IDO1: variants seen among roughly 807,000 people sequenced by gnomAD.
The protein encoded by IDO1 is indolamine 2,3 dioxygenase.
A neutral mutation model predicts 38.8 loss-of-function variants in IDO1; 35 were observed. The observed-to-expected ratio is 0.90, with a 90% CI of 0.69 to 1.20. IDO1 has a LOEUF of 1.20. Among genes scored for constraint, IDO1 ranks in the 50% most tolerant of loss-of-function variants. IDO1 has a pLI of 0.00. For synonymous variants in IDO1, 171 were observed against 170.0 expected (o/e 1.01, Z -0.05); for missense variants, 509 against 485.1 (o/e 1.05, Z -0.46).
chr8:39,920,849 A>G (rs913930738), intron 5 of IDO1: 1 of 152,238 alleles, frequency 6.6e-6, no homozygotes, highest in African/African-American at 2.4e-5. Flanking sequence ...AAAAGATGGA[A>G]AAACTAAGGT....
intron 5 of IDO1, among the ~76,000 whole-genome samples, chr8:39,922,190 G>A (rs536667989): frequency 2.0e-5 from 3 of 152,162 alleles, no homozygotes; most frequent in South Asian, 2.1e-4. Context: ...TAGTAGAGAC[G>A]GGGTTTCACC....
At chr8:39,917,393 G>A (rs1329193759) in intron 1 of IDO1, among the ~76,000 whole-genome samples, 2 of 152,218 alleles carry the variant, frequency 1.3e-5, no homozygotes, top group African/African-American at 4.8e-5. Context: ...CTACTTGGGA[G>A]GCTGAGGCAG....
At chr8:39,924,838 G>T in intron 8 of IDO1, 66 bp downstream of exon 8, 1 of 1,199,162 alleles carries the variant, frequency 8.3e-7, no homozygotes. Flanking sequence ...AATTCTCTTG[G>T]TTGGTCCCTA....
intron 1 of IDO1, among the ~76,000 whole-genome samples, chr8:39,917,383 C>T (rs1014760101): frequency 6.6e-6 from 1 of 152,142 alleles, no homozygotes; most frequent in East Asian, 1.9e-4. Context: ...GTAATCCCAG[C>T]TACTTGGGAG....
chr8:39,923,511 G>C lies in IDO1; in HGVS notation c.580G>C (p.Asp194His), dbSNP rs1807310315. Residue 194 changes from aspartate to histidine, a missense_variant, in exon 7 of 10, where the codon GAC becomes CAC. Transcript: ENST00000518237. The part of the protein sequence containing the change: ...VFKAMQMQER[D>H]TLLKALLEIA... ...CAAGGCAATGCAAATGCAAGAACGG[G>C]ACACTTTGCTAAAGGCGCTGTTGGA... The C allele has an allele frequency of 6.2e-7, 1 of 1,613,498 alleles. No individual in the cohort carries two copies. Among genetic ancestry groups the C allele is most frequent in the Non-Finnish European group, 8.5e-7 (1 of 1,179,474 alleles).
At chr8:39,927,756 C>A in intron 9 of IDO1, 74 bp from the exon 10 acceptor site, 1 of 904,518 alleles carries the variant, frequency 1.1e-6, no homozygotes. Flanking sequence ...CCCACTCTGA[C>A]CTCACTCTGC....
At chr8:39,924,538 A>G (rs1199257864) in intron 7 of IDO1, among the ~76,000 whole-genome samples, 183 bp from the exon 8 acceptor site, 1 of 152,148 alleles carries the variant, frequency 6.6e-6, no homozygotes, top group Non-Finnish European at 1.5e-5. Flanking sequence ...ATACAGTTTA[A>G]TGGGCTTCCT....
At chr8:39,921,408 G>T (rs1299633955) in intron 5 of IDO1, among the ~76,000 whole-genome samples, 1 of 152,040 alleles carries the variant, frequency 6.6e-6, no homozygotes, top group Non-Finnish European at 1.5e-5. Context: ...AGACGAGATT[G>T]TGCCATTGCA....
At chr8:39,920,172 A>C (rs1186434762) in intron 5 of IDO1, 58 bp downstream of exon 5, 1 of 1,378,146 alleles carries the variant, frequency 7.3e-7, no homozygotes, top group Non-Finnish European at 1.0e-6. Context: ...AGTTGAATGT[A>C]GGTTTATCAA....
intron 1 of IDO1, among the ~76,000 whole-genome samples, chr8:39,915,291 C>T (rs1807158281): frequency 6.6e-6 from 1 of 152,148 alleles, no homozygotes; most frequent in Non-Finnish European, 1.5e-5. Context: ...TAACAAGGTA[C>T]ATGGGATTCC....
intron 3 of IDO1, 33 bp from the exon 4 acceptor site, chr8:39,918,778 ACAAC>A: frequency 2.0e-6 from 2 of 995,610 alleles, no homozygotes; most frequent in Non-Finnish European, 1.6e-6. Flanking sequence ...AACAACAACA[ACAAC>A]AACAAAAAAC....
At chr8:39,922,930 C>A in intron 6 of IDO1, 2 of 387,732 alleles carry the variant, frequency 5.2e-6, no homozygotes, top group Non-Finnish European at 9.2e-6. Context: ...GTCATAAATT[C>A]AATAGTTTTG....
In IDO1 at chr8:39,917,800, A is replaced by G. The variant is rs981607115; in HGVS notation, c.88-75A>G. The G allele has an allele frequency of 9.8e-6, 9 of 914,258 alleles. No homozygotes were observed. In the African/African-American group the frequency reaches 1.5e-4, roughly 15 times the overall value. The allele number at this position is 914,258 out of a possible 1,614,324, so 56.6% of individuals were successfully genotyped here. ...CATTGCACAGAATGGATGTGAAGGC[A>G]AGGCATACTATCAGTGGGAAGCCAA... On this transcript the variant is annotated intron_variant, in intron 1 of 9. Transcript: ENST00000518237.
intron 5 of IDO1, chr8:39,920,755 G>A (rs1807259412): frequency 6.6e-6 from 1 of 152,124 alleles, no homozygotes; most frequent in Admixed American, 6.6e-5. Flanking sequence ...ATTGAACCCA[G>A]GAGGTGGAGG....
At chr8:39,919,389 G>C (rs186188443) in intron 4 of IDO1, among the ~76,000 whole-genome samples, 43 of 152,164 alleles carry the variant, frequency 2.8e-4, no homozygotes, top group Non-Finnish European at 4.7e-4. Flanking sequence ...GGCTTCTTTT[G>C]ATGAGCATGT....
intron 1 of IDO1, among the ~76,000 whole-genome samples, chr8:39,917,302 C>G (rs1388447877): frequency 6.6e-6 from 1 of 152,026 alleles, no homozygotes; most frequent in Non-Finnish European, 1.5e-5. Context: ...TCGAGACCAA[C>G]TTGGCCAACA....
rs1026861259 is a variant in IDO1 at position 39,928,435 on chromosome 8, A to G, written c.*250A>G. 1.0e-5 allele frequency: 4 copies of G among 386,252 alleles called. No homozygotes were observed. Among genetic ancestry groups the G allele is most frequent in the African/African-American group, 4.1e-5 (2 of 48,936 alleles). The allele number at this position is 386,252 out of a possible 1,614,324, so 23.9% of individuals were successfully genotyped here. A position where few individuals can be genotyped will look rare whatever the true frequency, so the allele number is the denominator to read the frequency against. ...AATGACATTCAATAAATAAAAATGC[A>G]TAAGATATATTCTGTCGGCTGGGCG... On this transcript the variant is annotated 3_prime_UTR_variant, in exon 10 of 10. Transcript: ENST00000518237.
At chr8:39,916,420 G>A (rs1427586456) in intron 1 of IDO1, among the ~76,000 whole-genome samples, 4 of 152,030 alleles carry the variant, frequency 2.6e-5, no homozygotes, top group African/African-American at 9.7e-5. Context: ...GGAGGTTACA[G>A]TGAACTGAGA....
intron 6 of IDO1, among the ~76,000 whole-genome samples, chr8:39,923,187 T>C (rs781199921): frequency 2.0e-5 from 3 of 152,078 alleles, no homozygotes; most frequent in Non-Finnish European, 2.9e-5. Context: ...GCGGATCACT[T>C]GAAGTCAGGA....
Sources: allele counts gnomAD v4.1 joint callset (sites outside exome capture counted in the v4.1 genomes callset), GRCh38; gene constraint gnomAD v4.1.1; transcripts MANE v1.5; gene names NCBI Gene and HGNC (gene_info 2026-07-23, HGNC 2026-07-21).